The following ENTPD3 variants were observed in gnomAD, a reference collection of about 807,000 sequenced individuals.
ENTPD3 encodes ectonucleoside triphosphate diphosphohydrolase 3, also known as CD39 antigen-like 3.
In ENTPD3, 60 loss-of-function variants were observed where a neutral mutation model predicts 51.2. That is an observed-to-expected ratio of 1.17 (90% CI 0.95 to 1.45). The LOEUF is 1.45. Ranked by LOEUF, ENTPD3 falls within the 40% of genes most tolerant of loss-of-function variation. The pLI, the probability that ENTPD3 is intolerant of heterozygous loss-of-function variation, is 0.00. For missense variants in ENTPD3, 593 were observed against 641.1 expected (o/e 0.93, Z 0.81); for synonymous variants, 221 against 238.4 (o/e 0.93, Z 0.67).
At chr3:40,402,449 T>G (rs1018268049) in intron 4 of ENTPD3, among the ~76,000 whole-genome samples, 26 of 152,054 alleles carry the variant, frequency 1.7e-4, no homozygotes, top group Non-Finnish European at 3.7e-4. Flanking sequence ...GCATTTGTAT[T>G]TTCTTGGTTA....
At chr3:40,416,462 G>A (rs1955750519) in intron 7 of ENTPD3, among the ~76,000 whole-genome samples, 1 of 152,226 alleles carries the variant, frequency 6.6e-6, no homozygotes, top group Non-Finnish European at 1.5e-5. Flanking sequence ...CAAGAGAAAT[G>A]TGTGCTGAAG....
chr3:40,388,220 C>T, intron 2 of ENTPD3, 123 bp downstream of exon 2: 2 of 875,448 alleles, frequency 2.3e-6, no homozygotes, highest in South Asian at 2.9e-5. Flanking sequence ...TGGTTTGAGA[C>T]TCAGTACTCA....
chr3:40,409,174 C>A (rs949054313), intron 4 of ENTPD3, among the ~76,000 whole-genome samples: 4 of 152,130 alleles, frequency 2.6e-5, no homozygotes, highest in African/African-American at 9.6e-5. Context: ...ATCACTTGAA[C>A]CTGGGAGGCG....
chr3:40,414,434 G>A (rs1426911012), intron 5 of ENTPD3, among the ~76,000 whole-genome samples: 1 of 152,156 alleles, frequency 6.6e-6, no homozygotes, highest in Admixed American at 6.5e-5. Context: ...AGAACAAATT[G>A]TACTTATGCT....
intron 9 of ENTPD3, among the ~76,000 whole-genome samples, chr3:40,423,622 A>G (rs541461953): frequency 2.0e-5 from 3 of 152,238 alleles, no homozygotes; most frequent in Non-Finnish European, 4.4e-5. Context: ...ATAAGCACTC[A>G]ATGAGTTTAA....
intron 3 of ENTPD3, among the ~76,000 whole-genome samples, chr3:40,392,945 G>A (rs538754658): frequency 7.3e-5 from 11 of 151,594 alleles, no homozygotes; most frequent in African/African-American, 2.4e-4. Context: ...TCTAGAACAT[G>A]TGCTGTGTTC....
intron 5 of ENTPD3, 45 bp downstream of exon 5, chr3:40,412,007 C>T (rs1252358361): frequency 3.9e-6 from 6 of 1,542,560 alleles, no homozygotes; most frequent in Non-Finnish European, 5.3e-6. Flanking sequence ...CCAAAATAAC[C>T]AAGAATATGT....
At chr3:40,404,980 C>T (rs1473750335) in intron 4 of ENTPD3, among the ~76,000 whole-genome samples, 1 of 152,166 alleles carries the variant, frequency 6.6e-6, no homozygotes. Flanking sequence ...CCTCTGGCTG[C>T]TTGTGGTGAA....
At chr3:40,400,804 A>C (rs1035076701) in intron 3 of ENTPD3, 90 bp from the exon 4 acceptor site, 1 of 889,730 alleles carries the variant, frequency 1.1e-6, no homozygotes, top group African/African-American at 1.7e-5. Flanking sequence ...AGTGTGGATT[A>C]AGGTACTCAG....
intron 3 of ENTPD3, chr3:40,399,610 T>C (rs191076929): frequency 6.6e-6 from 1 of 152,308 alleles, no homozygotes; most frequent in Non-Finnish European, 1.5e-5. Flanking sequence ...TGAAGGCCTC[T>C]GGATGCCCTA....
chr3:40,415,361 A>G (rs1302144831), intron 6 of ENTPD3, among the ~76,000 whole-genome samples: 1 of 152,190 alleles, frequency 6.6e-6, no homozygotes, highest in South Asian at 2.1e-4. Flanking sequence ...ACAAAACAGG[A>G]GTTACTCAGA....
In ENTPD3 at chr3:40,427,775, CTT is replaced by C; in HGVS notation, c.*269_*270del. The C allele has an allele frequency of 2.1e-6, 1 of 472,944 alleles. No homozygotes were observed. 29.3% of individuals were successfully genotyped at this position (472,944 alleles called of 1,614,324 possible). On this transcript the variant is annotated 3_prime_UTR_variant, in exon 11 of 11. Coordinates refer to ENST00000301825, the MANE Select transcript of ENTPD3 (RefSeq NM_001248.4). The stretch of plus-strand genomic sequence containing the variant: ...AGAGACAGGCCACGAAGGTCAGGCT[CTT>C]TATATTAAGTTCCCCAGAGGAAGAG...
chr3:40,400,284 A>G (rs904277621), intron 3 of ENTPD3, among the ~76,000 whole-genome samples: 3 of 151,972 alleles, frequency 2.0e-5, no homozygotes, highest in Non-Finnish European at 2.9e-5. Context: ...AAAAAAAAGA[A>G]AAAAGGAAAT....
chr3:40,398,424 G>A (rs903289172), intron 3 of ENTPD3, among the ~76,000 whole-genome samples: 1 of 152,144 alleles, frequency 6.6e-6, no homozygotes, highest in African/African-American at 2.4e-5. Flanking sequence ...AGGAGCAGGG[G>A]GGAGGAAAGA....
chr3:40,412,069 A>C (rs1559514305), intron 5 of ENTPD3, 107 bp downstream of exon 5: 2 of 1,120,876 alleles, frequency 1.8e-6, no homozygotes, highest in East Asian at 3.1e-5. Flanking sequence ...CTCGCCCCCC[A>C]AAAAGAAGCC....
intron 2 of ENTPD3, among the ~76,000 whole-genome samples, chr3:40,388,487 T>C (rs1254049305): frequency 1.3e-5 from 2 of 151,898 alleles, no homozygotes; most frequent in African/African-American, 2.4e-5. Flanking sequence ...GCACAGTGCC[T>C]ACAACACCCC....
At position 40,422,980 on chromosome 3, in the gene ENTPD3, A is replaced by G. The variant is rs753970256; in HGVS notation, c.962A>G (p.Asp321Gly). Residue 321 changes from aspartate to glycine, a missense_variant, in exon 8 of 11, where the codon GAT becomes GGT. Transcript: ENST00000301825. ...DQRPESYNPN[D>G]VITFEGTGDP... The stretch of plus-strand genomic sequence containing the variant: ...AGGCCAGAAAGTTATAACCCCAATG[A>G]TGTCATCACTTTTGAAGGAACTGGG... 6.2e-7 allele frequency: 1 copy of G among 1,614,100 alleles called. No homozygotes were observed. The highest frequency in any genetic ancestry group is 8.5e-7 in the Non-Finnish European group (1 of 1,179,990).
At chr3:40,412,199 T>C (rs376238413) in intron 5 of ENTPD3, among the ~76,000 whole-genome samples, 4 of 152,178 alleles carry the variant, frequency 2.6e-5, no homozygotes, top group Non-Finnish European at 5.9e-5. Context: ...ACTGAGAACT[T>C]TGAAAAAGAG....
At chr3:40,409,131 A>C (rs1449363229) in intron 4 of ENTPD3, among the ~76,000 whole-genome samples, 4 of 152,054 alleles carry the variant, frequency 2.6e-5, no homozygotes, top group African/African-American at 7.2e-5. Context: ...GCATACCTGT[A>C]GTCCCAGCTA....
Sources: gnomAD v4.1 joint callset for allele counts (sites outside exome capture counted in the v4.1 genomes callset) on GRCh38, gnomAD v4.1.1 for gene constraint, MANE v1.5 for transcripts, NCBI Gene and HGNC (gene_info 2026-07-23, HGNC 2026-07-21) for gene names.